The following MRPS22 variants were observed in gnomAD, a reference collection of about 807,000 sequenced individuals.
The protein encoded by MRPS22 is mitochondrial ribosomal protein S22, also known as small ribosomal subunit protein mS22.
Under a neutral mutation model 44.0 loss-of-function variants are expected in MRPS22, and 30 were observed. That is an observed-to-expected ratio of 0.68 (90% CI 0.51 to 0.93). The LOEUF is 0.93. MRPS22 is among the 40% of genes least tolerant of loss of function. The pLI is 0.00. For missense variants in MRPS22, 447 were observed against 447.8 expected, an observed-to-expected ratio of 1.00 and a Z score of 0.02; for synonymous variants, 165 against 154.4, an observed-to-expected ratio of 1.07 and a Z score of -0.51.
chr3:139,344,516 C>T (rs1576360397), intron 1 of MRPS22: 1 of 609,438 alleles, frequency 1.6e-6, no homozygotes, highest in Non-Finnish European at 2.9e-6. Context: ...TGCAGTGTGA[C>T]CCGGGTTGTT....
At chr3:139,355,613 C>G in intron 6 of MRPS22, 69 bp from the exon 7 acceptor site, 1 of 1,270,458 alleles carries the variant, frequency 7.9e-7, no homozygotes. Flanking sequence ...GAAGTTGGCA[C>G]ACACTTTTAT....
chr3:139,355,936 A>C, intron 7 of MRPS22, 146 bp downstream of exon 7: 2 of 724,906 alleles, frequency 2.8e-6, no homozygotes, highest in Non-Finnish European at 5.0e-6. Context: ...ATTTGTCCCC[A>C]TATTTCTTCA....
At chr3:139,348,823 G>C (rs1266877870) in intron 3 of MRPS22, among the ~76,000 whole-genome samples, 1 of 152,162 alleles carries the variant, frequency 6.6e-6, no homozygotes, top group Non-Finnish European at 1.5e-5. Context: ...TAATTTTCAG[G>C]CATCACCACT....
Position 139,356,980 on chromosome 3 carries a change from A to G in MRPS22, c.1049A>G (p.Gln350Arg). 6.2e-7 allele frequency: 1 copy of G among 1,613,044 alleles called. No homozygotes were observed. The change falls in exon 8 of 8, where the codon CAA becomes CGA. Residue 350 changes from glutamine (Q) to arginine (R), a missense_variant. Transcript: ENST00000680020. ...ATAGAACTAACACTGCAGACTTATC[A>G]AGAAGCACTCAGTCGCCATTCTGCA... ...AYIELTLQTY[Q>R]EALSRHSAAS
chr3:139,355,358 C>A (rs1941227723), intron 6 of MRPS22, among the ~76,000 whole-genome samples: 1 of 152,220 alleles, frequency 6.6e-6, no homozygotes, highest in African/African-American at 2.4e-5. Context: ...AAATTGTCTA[C>A]CATTAGGAAT....
chr3:139,357,005 A>T lies in MRPS22; in HGVS notation c.1074A>T (p.Ala358=), dbSNP rs1457575821. 1.2e-6 allele frequency: 2 copies of T among 1,608,362 alleles called. No individual in the cohort carries two copies. The highest frequency in any genetic ancestry group is 1.7e-6 in the Non-Finnish European group (2 of 1,175,716). ...AAGAAGCACTCAGTCGCCATTCTGCAGCTTCCTAAAAATATTTTAAAAATA... is the reference window on the plus strand; with the variant it reads ...AAGAAGCACTCAGTCGCCATTCTGCTGCTTCCTAAAAATATTTTAAAAATA... ...TYQEALSRHS[A]AS The change falls in exon 8 of 8, where the codon GCA becomes GCT. Residue 358 remains alanine, a synonymous_variant. Coordinates refer to ENST00000680020, the MANE Select transcript of MRPS22 (RefSeq NM_020191.4).
intron 3 of MRPS22, 141 bp downstream of exon 3, chr3:139,348,465 A>G (rs1941088143): frequency 1.3e-6 from 1 of 796,400 alleles, no homozygotes; most frequent in Non-Finnish European, 2.1e-6. Flanking sequence ...TGGAAGATAT[A>G]CTATATGAGG....
chr3:139,348,429 T>C (rs2107788148), intron 3 of MRPS22, 105 bp downstream of exon 3: 2 of 1,178,768 alleles, frequency 1.7e-6, no homozygotes, highest in Non-Finnish European at 1.3e-6. Context: ...CCAAACCAGA[T>C]TTCCTCTGAC....
intron 6 of MRPS22, among the ~76,000 whole-genome samples, chr3:139,353,982 A>G (rs1941198841): frequency 6.6e-6 from 1 of 152,246 alleles, no homozygotes; most frequent in African/African-American, 2.4e-5. Flanking sequence ...ATATTAATGT[A>G]TGATATTATA....
In MRPS22 at chr3:139,356,982, G is replaced by A. The variant is rs1941293938; in HGVS notation, c.1051G>A (p.Glu351Lys). 3 of 1,612,718 alleles carry A rather than the reference G, an allele frequency of 1.9e-6. No individual in the cohort carries two copies. The highest frequency in any genetic ancestry group is 1.7e-6 in the Non-Finnish European group (2 of 1,179,458). ...AGAACTAACACTGCAGACTTATCAA[G>A]AAGCACTCAGTCGCCATTCTGCAGC... is the stretch of plus-strand genomic sequence containing the variant. The part of the protein sequence containing the change: ...YIELTLQTYQ[E>K]ALSRHSAAS Residue 351 changes from glutamate to lysine, a missense_variant, in exon 8 of 8, where the codon GAA becomes AAA. Transcript: ENST00000680020.
At chr3:139,344,300 TA>T in intron 1 of MRPS22, 102 bp downstream of exon 1, 1 of 1,262,356 alleles carries the variant, frequency 7.9e-7, no homozygotes, top group Non-Finnish European at 1.1e-6. Flanking sequence ...ACACGTATCC[TA>T]GCGCTTCCTC....
intron 1 of MRPS22, among the ~76,000 whole-genome samples, chr3:139,345,460 T>G (rs1941024130): frequency 1.3e-5 from 2 of 149,132 alleles, no homozygotes; most frequent in Non-Finnish European, 3.0e-5. Context: ...GTTTTTTTTT[T>G]TTTTTTGTAA....
intron 5 of MRPS22, 63 bp from the exon 6 acceptor site, chr3:139,352,584 G>T: frequency 1.3e-6 from 2 of 1,491,156 alleles, no homozygotes; most frequent in Non-Finnish European, 1.9e-6. Flanking sequence ...ATCAGTGTAC[G>T]TTGAATAATG....
chr3:139,352,885 G>A, intron 6 of MRPS22, 93 bp downstream of exon 6: 2 of 1,288,614 alleles, frequency 1.6e-6, no homozygotes, highest in Non-Finnish European at 2.2e-6. Context: ...TGATAACAGT[G>A]TACTGTCTAG....
rs1329628592 is a variant in MRPS22 at position 139,348,277 on chromosome 3, A to C, written c.457A>C (p.Thr153Pro). Residue 153 changes from threonine to proline, a missense_variant, in exon 3 of 8, where the codon ACA (threonine) becomes CCA (proline). Thr to Pro is a conservative substitution (Grantham distance 38). Coordinates refer to ENST00000680020, the MANE Select transcript of MRPS22 (RefSeq NM_020191.4). ...AGATAAGATTTTGGAAGGAACAGAA[A>C]CAACCAAATATGTGTTTACTGATAT... ...AEDKILEGTE[T>P]TKYVFTDISY... 5 of 1,614,028 alleles carry C rather than the reference A, an allele frequency of 3.1e-6. No homozygotes were observed. Among genetic ancestry groups the C allele is most frequent in the Non-Finnish European group, 4.2e-6 (5 of 1,180,016 alleles).
rs1941082673 is a variant in MRPS22, at chr3:139,348,226, G to A, written c.406G>A (p.Val136Ile). Reference protein sequence around the residue: ...LKMPPVLEERVPINDVLAEDK... With the variant: ...LKMPPVLEERIPINDVLAEDK... ...AATGCCACCAGTTCTGGAAGAGCGA[G>A]TACCAATAAATGATGTGTTAGCTGA... Residue 136 changes from valine to isoleucine, a missense_variant, in exon 3 of 8, where the codon GTA (valine) becomes ATA (isoleucine). Coordinates refer to ENST00000680020, the MANE Select transcript of MRPS22 (RefSeq NM_020191.4). The A allele has an allele frequency of 1.2e-6, 2 of 1,613,990 alleles. No individual in the cohort carries two copies. The highest frequency in any genetic ancestry group is 1.3e-5 in the African/African-American group (1 of 74,930).
intron 1 of MRPS22, chr3:139,344,493 G>T: frequency 1.6e-6 from 1 of 611,186 alleles, no homozygotes; most frequent in Non-Finnish European, 2.9e-6. Context: ...TCATGTCCAT[G>T]GGGAATTGGC....
intron 7 of MRPS22, 140 bp from the exon 8 acceptor site, chr3:139,356,779 G>A (rs1035402664): frequency 3.1e-6 from 2 of 646,616 alleles, no homozygotes; most frequent in African/African-American, 1.8e-5. Context: ...TATAATCGGG[G>A]GAAAAATTGT....
intron 4 of MRPS22, 41 bp from the exon 5 acceptor site, chr3:139,350,936 C>CA (rs1560007248): frequency 6.5e-7 from 1 of 1,538,320 alleles, no homozygotes; most frequent in Non-Finnish European, 9.0e-7. Flanking sequence ...TGCTGAACTT[C>CA]AGTGTTCTCA....
Sources: allele counts gnomAD v4.1 joint callset (sites outside exome capture counted in the v4.1 genomes callset), GRCh38; gene constraint gnomAD v4.1.1; transcripts MANE v1.5; gene names NCBI Gene and HGNC (gene_info 2026-07-23, HGNC 2026-07-21).